Variants in TBL1XR1 observed in about 807,000 individuals in gnomAD.
The protein encoded by TBL1XR1 is F-box-like/WD repeat-containing protein TBL1XR1.
A neutral mutation model predicts 66.9 loss-of-function variants in TBL1XR1; 5 were observed. The observed-to-expected ratio is 0.07, with a 90% CI of 0.04 to 0.16. The LOEUF (loss-of-function observed/expected upper bound fraction) is 0.16, where lower values mean the gene tolerates loss of function less well. Among genes scored for constraint, TBL1XR1 ranks in the 10% least tolerant of loss-of-function variants. The pLI is 1.00. For synonymous variants in TBL1XR1, 210 were observed against 206.0 expected (o/e 1.02, Z -0.17); for missense variants, 238 against 623.2 (o/e 0.38, Z 6.58).
intron 2 of TBL1XR1, among the ~76,000 whole-genome samples, chr3:177,070,665 G>A (rs1331394784): frequency 3.3e-5 from 5 of 151,920 alleles, no homozygotes; most frequent in Non-Finnish European, 5.9e-5. Context: ...CCTGGCCAAC[G>A]TGGCGAAACC....
chr3:177,070,398 A>C (rs1258062990), intron 2 of TBL1XR1, among the ~76,000 whole-genome samples: 1 of 152,234 alleles, frequency 6.6e-6, no homozygotes, highest in Non-Finnish European at 1.5e-5. Context: ...AAGGTATATC[A>C]ACAGGGGAAC....
intron 1 of TBL1XR1, among the ~76,000 whole-genome samples, chr3:177,159,961 C>T (rs1005742023): frequency 3.3e-5 from 5 of 152,102 alleles, no homozygotes; most frequent in Admixed American, 2.6e-4. Flanking sequence ...ATGCATTTAA[C>T]CTCATAGTTT....
chr3:177,189,437 G>T (rs567341515), intron 1 of TBL1XR1, among the ~76,000 whole-genome samples: 1 of 151,710 alleles, frequency 6.6e-6, no homozygotes, highest in East Asian at 1.9e-4. Context: ...TGGATCACCT[G>T]AAGTCAAGAG....
intron 1 of TBL1XR1, among the ~76,000 whole-genome samples, chr3:177,186,786 T>A (rs888604770): frequency 6.6e-6 from 1 of 152,184 alleles, no homozygotes; most frequent in Non-Finnish European, 1.5e-5. Context: ...CCGTCAAAAC[T>A]CATAAAATTG....
Position 177,034,080 on chromosome 3 carries a change from T to TG in TBL1XR1, c.1250+117dup, listed in dbSNP as rs1296803514. On this transcript the variant is annotated intron_variant, in intron 13 of 15. Coordinates refer to ENST00000457928, the MANE Select transcript of TBL1XR1 (RefSeq NM_024665.7). ...CCTATACACCAAAAACTACTGAAAT[T>TG]GGAAAAAAAAAAAAAAAAGTTTCCA... 35 of 1,073,350 alleles carry TG rather than the reference T, an allele frequency of 3.3e-5. No individual in the cohort carries two copies. In the Middle Eastern group the frequency reaches 9.5e-4, roughly 29 times the overall value. 66.5% of individuals were successfully genotyped at this position (1,073,350 alleles called of 1,614,324 possible).
chr3:177,093,842 G>C (rs1446054951), intron 2 of TBL1XR1, among the ~76,000 whole-genome samples: 2 of 152,100 alleles, frequency 1.3e-5, no homozygotes, highest in Non-Finnish European at 2.9e-5. Context: ...TCAAAGAGTT[G>C]AATCTAACAC....
At chr3:177,161,746 T>C (rs1439061438) in intron 1 of TBL1XR1, among the ~76,000 whole-genome samples, 3 of 150,090 alleles carry the variant, frequency 2.0e-5, no homozygotes, top group Non-Finnish European at 4.4e-5. Context: ...ATCATGCCAC[T>C]GAACTCCAGC....
Position 177,064,939 on chromosome 3 carries a change from A to G in TBL1XR1, c.39T>C (p.Tyr13=). 5 of 1,548,370 alleles carry G rather than the reference A, an allele frequency of 3.2e-6. No individual in the cohort carries two copies. Among genetic ancestry groups the G allele is most frequent in the South Asian group, 2.4e-5 (2 of 82,778 alleles). Residue 13 remains tyrosine (Y), a synonymous_variant, in exon 3 of 16, where the codon TAT becomes TAC. Coordinates refer to ENST00000457928, the MANE Select transcript of TBL1XR1 (RefSeq NM_024665.7). ...ISSDEVNFLV[Y]RYLQESGFSH... ...ACTCACCTGACTCTTGCAAGTATCT[A>G]TATACCAAGAAGTTGACCTCATCAC...
At chr3:177,162,448 T>TA (rs947691279) in intron 1 of TBL1XR1, among the ~76,000 whole-genome samples, 1 of 152,138 alleles carries the variant, frequency 6.6e-6, no homozygotes, top group Non-Finnish European at 1.5e-5. Context: ...GTTTTAATTT[T>TA]AAAAAATCAT....
Position 177,050,382 on chromosome 3 carries a change from A to G in TBL1XR1, c.560+96T>C, listed in dbSNP as rs1716896238. ...AATTTACAGAGACAAAATGGCCACAACTAAGCAACAACAGAAAACCTGAAT... is the reference window on the plus strand; with the variant it reads ...AATTTACAGAGACAAAATGGCCACAGCTAAGCAACAACAGAAAACCTGAAT... On this transcript the variant is annotated intron_variant, in intron 6 of 15. Transcript: ENST00000457928. 7.6e-6 allele frequency: 11 copies of G among 1,456,772 alleles called. No homozygotes were observed. The East Asian group carries it at 2.5e-4, about 33-fold the overall frequency. 90.2% of individuals were successfully genotyped at this position (1,456,772 alleles called of 1,614,324 possible).
intron 2 of TBL1XR1, among the ~76,000 whole-genome samples, chr3:177,071,073 C>T (rs1421937424): frequency 1.7e-5 from 2 of 119,412 alleles, no homozygotes; most frequent in African/African-American, 6.5e-5. Context: ...CTCTGTTGCC[C>T]AGGCTAGAGT....
intron 2 of TBL1XR1, among the ~76,000 whole-genome samples, chr3:177,097,216 GCCTC>G (rs1371454851): frequency 6.6e-6 from 1 of 152,066 alleles, no homozygotes; most frequent in Non-Finnish European, 1.5e-5. Context: ...CAGTTTTTAT[GCCTC>G]CCTAATTTAG....
At chr3:177,135,333 GTATACATATATATATA>G (rs1198622213) in intron 1 of TBL1XR1, among the ~76,000 whole-genome samples, 3 of 53,820 alleles carry the variant, frequency 5.6e-5, no homozygotes, top group East Asian at 4.3e-4. Flanking sequence ...GTGTGTGTGT[GTATACATATATATATA>G]TATATATATA....
chr3:177,042,469 A>C (rs1320229427), intron 10 of TBL1XR1, among the ~76,000 whole-genome samples: 1 of 152,220 alleles, frequency 6.6e-6, no homozygotes, highest in Non-Finnish European at 1.5e-5. Flanking sequence ...AACCAAATCA[A>C]GATTGTTGGG....
chr3:177,166,647 T>C lies in TBL1XR1; in HGVS notation c.-122+30474A>G, dbSNP rs536362195. Among the ~76,000 whole-genome samples, 371 of 152,328 alleles carry C rather than the reference T, an allele frequency of 2.4e-3. 1 individual carries two copies. Among genetic ancestry groups the C allele is most frequent in the Non-Finnish European group, 3.6e-3 (244 of 68,028 alleles). Reference sequence around the variant, plus strand: ...TCCCCTTCTGCCATGATTGTAAGTTTCCTGAGGCCTCCCCAGCCATGCAGA... The same window carrying C: ...TCCCCTTCTGCCATGATTGTAAGTTCCCTGAGGCCTCCCCAGCCATGCAGA... On this transcript the variant is annotated intron_variant, in intron 1 of 15. Transcript: ENST00000457928.
intron 1 of TBL1XR1, among the ~76,000 whole-genome samples, chr3:177,121,255 T>C (rs1726940686): frequency 6.6e-6 from 1 of 152,216 alleles, no homozygotes; most frequent in South Asian, 2.1e-4. Context: ...TGAGGAACTA[T>C]GCCAGATTAA....
intron 1 of TBL1XR1, among the ~76,000 whole-genome samples, chr3:177,137,270 T>C (rs1420307460): frequency 5.3e-5 from 8 of 151,840 alleles, no homozygotes; most frequent in South Asian, 2.1e-4. Flanking sequence ...AGACGGGGGA[T>C]TGCTTGAGCC....
At chr3:177,187,649 A>G (rs914170073) in intron 1 of TBL1XR1, among the ~76,000 whole-genome samples, 2 of 152,144 alleles carry the variant, frequency 1.3e-5, no homozygotes, top group African/African-American at 4.8e-5. Context: ...CTAAGAACAA[A>G]AAACAAAAGC....
chr3:177,179,008 T>C (rs1489697998), intron 1 of TBL1XR1, among the ~76,000 whole-genome samples: 3 of 150,338 alleles, frequency 2.0e-5, no homozygotes, highest in Non-Finnish European at 4.4e-5. Flanking sequence ...TCCCACCTAC[T>C]CGGGAGGCGG....
Sources: allele counts gnomAD v4.1 joint callset (sites outside exome capture counted in the v4.1 genomes callset), GRCh38; gene constraint gnomAD v4.1.1; transcripts MANE v1.5; gene names NCBI Gene and HGNC (gene_info 2026-07-23, HGNC 2026-07-21).